TUT7: variants seen among roughly 807,000 people sequenced by gnomAD.
The protein encoded by TUT7 is terminal uridylyltransferase 7.
Under a neutral mutation model 165.9 loss-of-function variants are expected in TUT7, and 33 were observed. The ratio of observed to expected loss-of-function variants is 0.20; its 90% CI spans 0.15 to 0.27. The LOEUF (loss-of-function observed/expected upper bound fraction) is 0.27. Among genes scored for constraint, TUT7 ranks in the 10% least tolerant of loss-of-function variants. TUT7 has a pLI of 1.00. For synonymous variants in TUT7, 552 were observed against 608.1 expected, an observed-to-expected ratio of 0.91 and a Z score of 1.36; for missense variants, 1,338 against 1,762.3, an observed-to-expected ratio of 0.76 and a Z score of 4.31.
intron 2 of TUT7, among the ~76,000 whole-genome samples, chr9:86,352,105 C>CT (rs774224638): frequency 2.0e-5 from 3 of 151,996 alleles, no homozygotes; most frequent in Non-Finnish European, 4.4e-5. Context: ...ACTTTCTAAA[C>CT]TTGTTTCTCA....
At chr9:86,339,736 G>A (rs1831168375) in intron 8 of TUT7, among the ~76,000 whole-genome samples, 1 of 152,150 alleles carries the variant, frequency 6.6e-6, no homozygotes, top group Non-Finnish European at 1.5e-5. Context: ...CAAAAAGGGT[G>A]GCAAAATACA....
At chr9:86,333,014 T>G (rs533388128) in intron 10 of TUT7, among the ~76,000 whole-genome samples, 106 of 152,306 alleles carry the variant, frequency 7.0e-4, no homozygotes, top group African/African-American at 2.4e-3. Context: ...TTCTTTTCCT[T>G]TGAGAGTAGG....
chr9:86,320,230 C>A (rs1183979836), intron 14 of TUT7, among the ~76,000 whole-genome samples: 3 of 132,180 alleles, frequency 2.3e-5, no homozygotes, highest in Non-Finnish European at 4.8e-5. Context: ...TTTTTAATAG[C>A]TCATAATATA....
chr9:86,343,221 T>A (rs1831466354), intron 5 of TUT7, 58 bp from the exon 6 acceptor site: 2 of 1,090,118 alleles, frequency 1.8e-6, no homozygotes, highest in Non-Finnish European at 2.5e-6. Context: ...TCAAAAGTTA[T>A]AACAAAACAC....
At chr9:86,349,876 T>C (rs911104032) in intron 2 of TUT7, among the ~76,000 whole-genome samples, 5 of 152,290 alleles carry the variant, frequency 3.3e-5, no homozygotes, top group Middle Eastern at 3.4e-3. Flanking sequence ...AATAAAAAAA[T>C]AGCAAAATGC....
intron 14 of TUT7, among the ~76,000 whole-genome samples, chr9:86,321,059 AT>A (rs1829237417): frequency 1.3e-5 from 2 of 152,152 alleles, no homozygotes; most frequent in South Asian, 4.1e-4. Context: ...AGTAACTTGA[AT>A]TTTAATTTTT....
At chr9:86,344,503 A>C (rs1831585198) in intron 5 of TUT7, among the ~76,000 whole-genome samples, 2 of 152,166 alleles carry the variant, frequency 1.3e-5, no homozygotes, top group Admixed American at 6.6e-5. Flanking sequence ...TCAACAGTGC[A>C]CAAAATCCAA....
rs573354561 is a variant in TUT7, at chr9:86,302,883, A to C, written c.4094+203T>G. 2.0e-5 allele frequency among the ~76,000 whole-genome samples: 3 copies of C among 152,374 alleles called. No individual in the cohort carries two copies. The South Asian group carries it at 6.2e-4, about 32-fold the overall frequency. On this transcript the variant is annotated intron_variant, in intron 25 of 26. Coordinates refer to ENST00000375963, the MANE Select transcript of TUT7 (RefSeq NM_024617.4). ...CTTGGCCTCCCAAAGTGCTGGGATT[A>C]CAGGCGTGAACCACTGCACCCGGCC...
intron 26 of TUT7, among the ~76,000 whole-genome samples, chr9:86,297,263 C>T (rs1826406380): frequency 6.6e-6 from 1 of 152,182 alleles, no homozygotes; most frequent in African/African-American, 2.4e-5. Context: ...TTTCCCTTTT[C>T]TCTGCTCTCA....
chr9:86,317,623 A>G (rs1300944154), intron 16 of TUT7, among the ~76,000 whole-genome samples: 1 of 152,174 alleles, frequency 6.6e-6, no homozygotes, highest in Non-Finnish European at 1.5e-5. Flanking sequence ...CCCATGTCCC[A>G]GAATAAATGA....
intron 10 of TUT7, 49 bp downstream of exon 10, chr9:86,337,370 C>T: frequency 6.4e-7 from 1 of 1,564,090 alleles, no homozygotes; most frequent in Non-Finnish European, 8.6e-7. Context: ...TAATTGTGGA[C>T]CTGTAATAAA....
At chr9:86,332,018 C>A (rs1564078980) in intron 10 of TUT7, among the ~76,000 whole-genome samples, 1 of 152,136 alleles carries the variant, frequency 6.6e-6, no homozygotes, top group Non-Finnish European at 1.5e-5. Flanking sequence ...CATCACCAAT[C>A]ATTAGAGAAA....
chr9:86,339,985 T>C, intron 8 of TUT7, 51 bp downstream of exon 8: 2 of 1,413,160 alleles, frequency 1.4e-6, no homozygotes, highest in African/African-American at 1.4e-5. Context: ...AAAGTACTTG[T>C]GCTTTTGGCA....
chr9:86,328,378 CTTT>C lies in TUT7; in HGVS notation c.1567_1569del (p.Lys523del), dbSNP rs1209035168. The C allele has an allele frequency of 6.2e-7, 1 of 1,607,950 alleles. No individual in the cohort carries two copies. Among genetic ancestry groups the C allele is most frequent in the East Asian group, 2.2e-5 (1 of 44,534 alleles). The stretch of plus-strand genomic sequence containing the variant: ...ATCGGCGTTTCTCTTGGTGCCTCTT[CTTT>C]TGTTATGCCTGTGTCCCCTGCAGCA... On this transcript the variant is annotated inframe_deletion, in exon 11 of 27. Coordinates refer to ENST00000375963, the MANE Select transcript of TUT7 (RefSeq NM_024617.4).
In TUT7 at chr9:86,349,999, T is replaced by C. The variant is rs371497636; in HGVS notation, c.520+2681A>G. Reference sequence around the variant, plus strand: ...GTGGTCAGCCAACAGTTCCTTTTAATGTCTAGTTGCAAATTTTTGATCTAT... The same window carrying C: ...GTGGTCAGCCAACAGTTCCTTTTAACGTCTAGTTGCAAATTTTTGATCTAT... On this transcript the variant is annotated intron_variant, in intron 2 of 26. Transcript: ENST00000375963. Among the ~76,000 whole-genome samples, 4 of 152,328 alleles carry C rather than the reference T, an allele frequency of 2.6e-5. No individual in the cohort carries two copies. The East Asian group carries it at 7.7e-4, about 29-fold the overall frequency.
chr9:86,325,975 G>A (rs1292412543), intron 11 of TUT7, among the ~76,000 whole-genome samples: 2 of 152,190 alleles, frequency 1.3e-5, no homozygotes, highest in East Asian at 3.8e-4. Context: ...AGCTACATAA[G>A]CACATTGACT....
intron 16 of TUT7, among the ~76,000 whole-genome samples, 194 bp downstream of exon 16, chr9:86,318,764 G>T (rs115030293): frequency 0.037 from 5,600 of 152,256 alleles, 344 homozygotes; most frequent in African/African-American, 0.13. Flanking sequence ...CAGAGTGAAA[G>T]TATAACCTTT....
intron 19 of TUT7, 40 bp downstream of exon 19, chr9:86,309,888 A>G (rs1242203627): frequency 1.3e-6 from 2 of 1,555,130 alleles, no homozygotes; most frequent in Non-Finnish European, 8.9e-7. Flanking sequence ...TAAAGATGCA[A>G]TGAAATTTCC....
chr9:86,324,924 G>A (rs893434190), intron 12 of TUT7, among the ~76,000 whole-genome samples: 63 of 152,268 alleles, frequency 4.1e-4, no homozygotes, highest in African/African-American at 1.4e-3. Flanking sequence ...CATTTTTGAC[G>A]AGAAAAAGTA....
Sources: allele counts gnomAD v4.1 joint callset (sites outside exome capture counted in the v4.1 genomes callset), GRCh38; gene constraint gnomAD v4.1.1; transcripts MANE v1.5; gene names NCBI Gene and HGNC (gene_info 2026-07-23, HGNC 2026-07-21).